TEX11: variants seen among roughly 807,000 people sequenced by gnomAD.
The protein encoded by TEX11 is testis expressed 11, also known as testis-expressed protein 11.
Under a neutral mutation model 84.4 loss-of-function variants are expected in TEX11, and 7 were observed. That is an observed-to-expected ratio of 0.08 (90% CI 0.05 to 0.16). The LOEUF (loss-of-function observed/expected upper bound fraction) is 0.16, where lower values mean the gene tolerates loss of function less well. Ranked by LOEUF, TEX11 falls within the 10% of genes least tolerant of loss-of-function variation. The pLI, the probability that TEX11 is intolerant of heterozygous loss-of-function variation, is 1.00. For synonymous variants in TEX11, 264 were observed against 222.8 expected (o/e 1.18, Z -1.64); for missense variants, 551 against 660.5 (o/e 0.83, Z 1.82).
chrX:70,671,497 G>A (rs2090021398), intron 15 of TEX11, among the ~76,000 whole-genome samples: 1 of 111,028 alleles, frequency 9.0e-6, no homozygotes, highest in Admixed American at 9.7e-5. Context: ...TTCCTCTCCA[G>A]TGTTGGAAGT....
At chrX:70,549,645 C>A (rs1364311055) in intron 28 of TEX11, among the ~76,000 whole-genome samples, 2 of 111,891 alleles carry the variant, frequency 1.8e-5, no homozygotes, top group South Asian at 3.8e-4. Context: ...CTCCCCACAC[C>A]ACCTGATGGT....
intron 24 of TEX11, among the ~76,000 whole-genome samples, chrX:70,604,185 G>T: frequency 9.0e-6 from 1 of 111,024 alleles, no homozygotes; most frequent in Middle Eastern, 4.7e-3. Flanking sequence ...TATTCACTAA[G>T]ATAAAAAATT....
intron 2 of TEX11, among the ~76,000 whole-genome samples, chrX:70,894,534 G>A (rs1277224676): frequency 9.1e-6 from 1 of 109,860 alleles, no homozygotes; most frequent in African/African-American, 3.3e-5. Context: ...GCTGAGGCAG[G>A]AGAATCACTT....
At chrX:70,841,258 A>T (rs1334220458) in intron 7 of TEX11, among the ~76,000 whole-genome samples, 1 of 110,964 alleles carries the variant, frequency 9.0e-6, no homozygotes, top group Non-Finnish European at 1.9e-5. Flanking sequence ...AATGTAAAAG[A>T]ACAGAAATTA....
chrX:70,836,884 G>A (rs184794376), intron 7 of TEX11, among the ~76,000 whole-genome samples: 1 of 111,246 alleles, frequency 9.0e-6, no homozygotes, highest in African/African-American at 3.3e-5. Context: ...AGGCATGGTG[G>A]CACGCACCTG....
rs138478743 is a variant in TEX11 at position 70,542,286 on chromosome X, G to A, written c.2520+9840C>T. On this transcript the variant is annotated intron_variant, in intron 28 of 29. Coordinates refer to ENST00000374333, the MANE Select transcript of TEX11 (RefSeq NM_031276.3). Reference sequence around the variant, plus strand: ...TGTGAGCTTACAGTCAGAAAGGACCGTCTATGGGGAAGCAGACCCTCACTG... The same window carrying A: ...TGTGAGCTTACAGTCAGAAAGGACCATCTATGGGGAAGCAGACCCTCACTG... 3.9e-3 allele frequency among the ~76,000 whole-genome samples: 431 copies of A among 111,207 alleles called. 2 individuals carry two copies. Among genetic ancestry groups the A allele is most frequent in the African/African-American group, 0.014 (418 of 30,604 alleles).
At position 70,552,149 on chromosome X, in the gene TEX11, C is replaced by T; in HGVS notation, c.2497G>A (p.Ala833Thr). The change falls in exon 28 of 30, where the codon GCT (alanine) becomes ACT (threonine). Residue 833 changes from alanine (A) to threonine (T), a missense_variant. By Grantham distance (58) the Ala-to-Thr change is moderately conservative (BLOSUM62 0). Coordinates refer to ENST00000374333, the MANE Select transcript of TEX11 (RefSeq NM_031276.3). ...ACAGTGCGGCTAATGTGGCTCAGAG[C>T]ATCTTCAAAATAGCCCCAAACTTCT... Reference protein sequence around the residue: ...LEEVWGYFEDALSHISRTKDY... With the variant: ...LEEVWGYFEDTLSHISRTKDY... 1.7e-6 allele frequency: 2 copies of T among 1,210,815 alleles called. No individual in the cohort carries two copies. Among genetic ancestry groups the T allele is most frequent in the Non-Finnish European group, 2.2e-6 (2 of 895,130 alleles).
At chrX:70,547,551 T>C (rs1171152926) in intron 28 of TEX11, among the ~76,000 whole-genome samples, 1 of 110,667 alleles carries the variant, frequency 9.0e-6, no homozygotes, top group Non-Finnish European at 1.9e-5. Context: ...GAATCTACAA[T>C]GAACTCAAAC....
chrX:70,612,542 G>C (rs985720367), intron 20 of TEX11, among the ~76,000 whole-genome samples: 3 of 99,607 alleles, frequency 3.0e-5, no homozygotes, highest in African/African-American at 1.1e-4. Context: ...GAAAACCTTT[G>C]ATGGGCTTAT....
At chrX:70,775,453 T>C (rs1377157407) in intron 9 of TEX11, among the ~76,000 whole-genome samples, 2 of 110,825 alleles carry the variant, frequency 1.8e-5, no homozygotes, top group Non-Finnish European at 3.8e-5. Flanking sequence ...AAGGGACTAA[T>C]ATCTGGAATA....
chrX:70,722,630 A>C lies in TEX11; in HGVS notation c.992T>G (p.Met331Arg). 8.3e-7 allele frequency: 1 copy of C among 1,205,875 alleles called. No homozygotes were observed. Among genetic ancestry groups the C allele is most frequent in the Non-Finnish European group, 1.1e-6 (1 of 890,753 alleles). Residue 331 changes from methionine to arginine, a missense_variant, in exon 13 of 30, where the codon ATG (methionine) becomes AGG (arginine). Met to Arg is a moderately conservative substitution (Grantham distance 91, BLOSUM62 -1). Transcript: ENST00000374333. Reference protein sequence around the residue: ...DFCLNIAKLLMDHERESVGFH... With the variant: ...DFCLNIAKLLRDHERESVGFH... ...ATCAATTCTGTACCTTTCATGATCCATCAGCAGTTTAGCAATGTTCAGACA... is the reference window on the plus strand; with the variant it reads ...ATCAATTCTGTACCTTTCATGATCCCTCAGCAGTTTAGCAATGTTCAGACA...
chrX:70,697,882 A>C (rs766245851), intron 13 of TEX11, among the ~76,000 whole-genome samples: 4 of 112,188 alleles, frequency 3.6e-5, no homozygotes, highest in Non-Finnish European at 3.8e-5. Context: ...AAAGTGGAGG[A>C]ACAAGAACTT....
chrX:70,619,623 T>A (rs2089359919), intron 20 of TEX11, among the ~76,000 whole-genome samples: 1 of 111,765 alleles, frequency 8.9e-6, no homozygotes, highest in Admixed American at 9.5e-5. Flanking sequence ...TGTCTCTTAG[T>A]TCAATTATAC....
chrX:70,602,594 C>A (rs1278351787), intron 24 of TEX11, among the ~76,000 whole-genome samples: 167 of 107,646 alleles, frequency 1.6e-3, no homozygotes, highest in African/African-American at 4.3e-3. Flanking sequence ...CAGCCAATAT[C>A]ATACTGAATG....
rs1225775498 is a variant in TEX11 at position 70,529,828 on chromosome X, T to A, written c.2685+7A>T. ...ATGTCATCTGCCCTAGCCCTCTCCCTCCTTACCTGAGTTTCATAGCTTTCC... is the reference window on the plus strand; with the variant it reads ...ATGTCATCTGCCCTAGCCCTCTCCCACCTTACCTGAGTTTCATAGCTTTCC... On this transcript the variant is annotated splice_region_variant and intron_variant, in intron 29 of 29. Transcript: ENST00000374333. The A allele has an allele frequency of 8.3e-7, 1 of 1,202,613 alleles. No homozygotes were observed. The highest frequency in any genetic ancestry group is 1.1e-6 in the Non-Finnish European group (1 of 891,538).
chrX:70,597,056 C>T (rs35956762), intron 24 of TEX11, among the ~76,000 whole-genome samples: 6 of 111,886 alleles, frequency 5.4e-5, no homozygotes, highest in Admixed American at 2.8e-4. Context: ...ACTACTAAAA[C>T]TGACTCAAGA....
At chrX:70,602,738 A>G (rs2089139692) in intron 24 of TEX11, among the ~76,000 whole-genome samples, 1 of 105,741 alleles carries the variant, frequency 9.5e-6, no homozygotes, top group South Asian at 4.5e-4. Flanking sequence ...AGGGTATCCA[A>G]TTAGGAAAAG....
intron 8 of TEX11, among the ~76,000 whole-genome samples, chrX:70,831,173 C>A (rs1387929752): frequency 1.8e-5 from 2 of 111,494 alleles, no homozygotes; most frequent in Non-Finnish European, 3.8e-5. Flanking sequence ...ACAGATGAAC[C>A]TGGAGGACAT....
intron 8 of TEX11, among the ~76,000 whole-genome samples, chrX:70,826,576 CAG>C (rs982445644): frequency 1.8e-5 from 2 of 111,886 alleles, no homozygotes; most frequent in African/African-American, 6.5e-5. Context: ...CTATGCAGTG[CAG>C]AGAGAGAATC....
Sources: allele counts gnomAD v4.1 joint callset (sites outside exome capture counted in the v4.1 genomes callset), GRCh38; gene constraint gnomAD v4.1.1; transcripts MANE v1.5; gene names NCBI Gene and HGNC (gene_info 2026-07-23, HGNC 2026-07-21).